The following ARHGAP6 variants were observed in gnomAD, a reference collection of about 807,000 sequenced individuals.
ARHGAP6 encodes Rho GTPase activating protein 6.
A neutral mutation model predicts 55.7 loss-of-function variants in ARHGAP6; 16 were observed. The observed-to-expected ratio is 0.29, with a 90% CI of 0.19 to 0.44. The LOEUF (loss-of-function observed/expected upper bound fraction) is 0.44, where lower values mean the gene tolerates loss of function less well. Among genes scored for constraint, ARHGAP6 ranks in the 20% least tolerant of loss-of-function variants. The probability of loss-of-function intolerance (pLI) is 1.00; values close to 1 mark genes in which losing one functional copy is unlikely to be tolerated. For missense variants in ARHGAP6, 698 were observed against 808.9 expected, an observed-to-expected ratio of 0.86 and a Z score of 1.66; for synonymous variants, 382 against 360.9, an observed-to-expected ratio of 1.06 and a Z score of -0.66.
At chrX:11,310,754 C>G (rs1307228367) in intron 1 of ARHGAP6, among the ~76,000 whole-genome samples, 1 of 111,573 alleles carries the variant, frequency 9.0e-6, no homozygotes, top group Non-Finnish European at 1.9e-5. Flanking sequence ...AACCACTGGT[C>G]CCCAGCACAT....
At chrX:11,210,247 C>T (rs1436494858) in intron 2 of ARHGAP6, among the ~76,000 whole-genome samples, 1 of 112,727 alleles carries the variant, frequency 8.9e-6, no homozygotes, top group Non-Finnish European at 1.9e-5. Context: ...TCTTCACTGC[C>T]TGCCAGTTTA....
At chrX:11,143,464 TC>T (rs1166513189) in intron 11 of ARHGAP6, 1 of 628,792 alleles carries the variant, frequency 1.6e-6, no homozygotes, top group Non-Finnish European at 1.9e-6. Context: ...TCACTGGAGA[TC>T]CTGCAGGTTG....
chrX:11,574,058 G>C (rs2051565562), intron 1 of ARHGAP6, among the ~76,000 whole-genome samples: 1 of 111,415 alleles, frequency 9.0e-6, no homozygotes, highest in Non-Finnish European at 1.9e-5. Context: ...ACCAATAACA[G>C]GATCTGAAAT....
At chrX:11,172,088 C>A (rs1394926854) in intron 8 of ARHGAP6, among the ~76,000 whole-genome samples, 5 of 110,978 alleles carry the variant, frequency 4.5e-5, no homozygotes, top group African/African-American at 1.6e-4. Context: ...TCAGGAGTCC[C>A]AATGAACAGC....
intron 1 of ARHGAP6, among the ~76,000 whole-genome samples, chrX:11,374,664 T>C (rs982621699): frequency 5.3e-5 from 6 of 112,353 alleles, no homozygotes; most frequent in Non-Finnish European, 9.4e-5. Context: ...TGGAATGTGC[T>C]AATTTCTAGT....
At chrX:11,151,727 C>G (rs1313823499) in intron 10 of ARHGAP6, among the ~76,000 whole-genome samples, 2 of 112,126 alleles carry the variant, frequency 1.8e-5, no homozygotes, top group African/African-American at 6.5e-5. Context: ...ATAATATTTT[C>G]TTGTTCTTGG....
intron 1 of ARHGAP6, among the ~76,000 whole-genome samples, chrX:11,446,038 AAGTT>A (rs1230103460): frequency 8.9e-6 from 1 of 111,782 alleles, no homozygotes. Flanking sequence ...GAGGGTACAG[AAGTT>A]AGTGTCAGAC....
chrX:11,369,935 A>G, intron 1 of ARHGAP6, among the ~76,000 whole-genome samples: 1 of 112,764 alleles, frequency 8.9e-6, no homozygotes, highest in East Asian at 2.8e-4. Context: ...TGCAGGAATT[A>G]CAATCAAGGT....
chrX:11,266,132 G>C (rs1376229088), intron 1 of ARHGAP6, among the ~76,000 whole-genome samples: 1 of 106,203 alleles, frequency 9.4e-6, no homozygotes, highest in Non-Finnish European at 1.9e-5. Context: ...GAGGAAAGAG[G>C]GGAGGGAAGG....
intron 8 of ARHGAP6, among the ~76,000 whole-genome samples, chrX:11,171,463 A>G (rs1044370196): frequency 9.0e-6 from 1 of 110,532 alleles, no homozygotes; most frequent in Non-Finnish European, 1.9e-5. Context: ...CGAATAAACC[A>G]TGATGTTTTT....
chrX:11,654,744 C>T (rs998996688), intron 1 of ARHGAP6, among the ~76,000 whole-genome samples: 4 of 111,815 alleles, frequency 3.6e-5, no homozygotes, highest in Admixed American at 9.5e-5. Context: ...TTCAATCTCC[C>T]AGAGCCGTTA....
chrX:11,153,344 G>C (rs911772852), intron 10 of ARHGAP6, among the ~76,000 whole-genome samples: 3 of 108,799 alleles, frequency 2.8e-5, no homozygotes, highest in African/African-American at 1.0e-4. Context: ...GGCCAACATA[G>C]TGAAACCCCG....
intron 1 of ARHGAP6, among the ~76,000 whole-genome samples, chrX:11,426,034 C>A (rs1317101022): frequency 8.9e-6 from 1 of 112,020 alleles, no homozygotes; most frequent in Admixed American, 9.4e-5. Flanking sequence ...ACTGAGCCAC[C>A]GGTGTCTCCA....
chrX:11,139,114 C>A lies in ARHGAP6; in HGVS notation c.2674G>T (p.Ala892Ser). Residue 892 changes from alanine (A) to serine (S), a missense_variant, in exon 13 of 13, where the codon GCA becomes TCA. Around this residue, in one of 3 missense-constraint regions of ARHGAP6, gnomAD observed 212 missense variants for 208.7 expected, o/e 1.02. Transcript: ENST00000337414. ...PPYPGPGKPA[A>S]AAAWIQGPPE... ...GGCCCCTGGATCCAGGCTGCCGCTG[C>A]CGCGGGCTTCCCTGGGCCCGGGTAT... 1 of 1,204,095 alleles carries A rather than the reference C, an allele frequency of 8.3e-7. No individual in the cohort carries two copies. Among genetic ancestry groups the A allele is most frequent in the African/African-American group, 1.7e-5 (1 of 57,823 alleles).
chrX:11,140,417 C>CCA (rs2045605081), intron 12 of ARHGAP6, among the ~76,000 whole-genome samples: 1 of 41,447 alleles, frequency 2.4e-5, no homozygotes, highest in Non-Finnish European at 4.3e-5. Context: ...GACTCCGTCA[C>CCA]AAAAAAAAAA....
At chrX:11,260,373 C>T (rs1047787865) in intron 1 of ARHGAP6, among the ~76,000 whole-genome samples, 9 of 111,367 alleles carry the variant, frequency 8.1e-5, no homozygotes, top group African/African-American at 2.9e-4. Flanking sequence ...TGCTCGCAGA[C>T]ACTTAAAAAA....
chrX:11,356,836 T>C (rs2048936234), intron 1 of ARHGAP6, among the ~76,000 whole-genome samples: 1 of 112,143 alleles, frequency 8.9e-6, no homozygotes, highest in Admixed American at 9.5e-5. Flanking sequence ...TCCATTTATG[T>C]ATTAAATTAT....
intron 2 of ARHGAP6, among the ~76,000 whole-genome samples, chrX:11,236,309 C>T (rs756002931): frequency 9.0e-6 from 1 of 111,472 alleles, no homozygotes; most frequent in South Asian, 3.9e-4. Context: ...CTCACTATTA[C>T]GAGAACAGCA....
chrX:11,518,462 CTTTTTTTTTTT>C (rs368595944), intron 1 of ARHGAP6, among the ~76,000 whole-genome samples: 10 of 74,917 alleles, frequency 1.3e-4, no homozygotes, highest in South Asian at 1.4e-3. Flanking sequence ...TTTTTTTTTT[CTTTTTTTTTTT>C]TTTTTTTGAC....
Sources: gnomAD v4.1 joint callset for allele counts (sites outside exome capture counted in the v4.1 genomes callset) on GRCh38, gnomAD v4.1.1 for gene constraint, gnomAD v4.1.1 regional missense constraint, MANE v1.5 for transcripts, NCBI Gene and HGNC (gene_info 2026-07-23, HGNC 2026-07-21) for gene names.